CHP1: variants seen among roughly 807,000 people sequenced by gnomAD.
CHP1 encodes calcineurin B homologous protein 1.
In CHP1, 11 loss-of-function variants were observed where a neutral mutation model predicts 27.4. That is an observed-to-expected ratio of 0.40 (90% CI 0.25 to 0.67). CHP1 has a LOEUF of 0.67. Among genes scored for constraint, CHP1 ranks in the 30% least tolerant of loss-of-function variants. The pLI, the probability that CHP1 is intolerant of heterozygous loss-of-function variation, is 0.38. For missense variants in CHP1, 169 were observed against 251.3 expected, an observed-to-expected ratio of 0.67 and a Z score of 2.22; for synonymous variants, 89 against 87.4, an observed-to-expected ratio of 1.02 and a Z score of -0.10.
chr15:41,255,562 A>G (rs1321080117), intron 2 of CHP1, among the ~76,000 whole-genome samples: 3 of 152,088 alleles, frequency 2.0e-5, no homozygotes, highest in Admixed American at 6.6e-5. Context: ...AATGCTAGCT[A>G]CTTGGGAGAC....
chr15:41,261,296 A>T (rs2047431919), intron 3 of CHP1, among the ~76,000 whole-genome samples: 1 of 151,870 alleles, frequency 6.6e-6, no homozygotes, highest in Admixed American at 6.6e-5. Flanking sequence ...CTGGGATTAC[A>T]GGTGCCCACT....
At chr15:41,260,024 C>T (rs1002999960) in intron 3 of CHP1, among the ~76,000 whole-genome samples, 3 of 152,228 alleles carry the variant, frequency 2.0e-5, no homozygotes, top group Admixed American at 6.5e-5. Context: ...GCCACTGCAC[C>T]CAGCCAAGGT....
At chr15:41,241,366 A>G (rs918100417) in intron 1 of CHP1, among the ~76,000 whole-genome samples, 2 of 152,224 alleles carry the variant, frequency 1.3e-5, no homozygotes, top group Non-Finnish European at 2.9e-5. Context: ...CATGATGCTG[A>G]TAATAGCTAA....
intron 6 of CHP1, 89 bp from the exon 7 acceptor site, chr15:41,279,247 A>T: frequency 9.8e-7 from 1 of 1,015,718 alleles, no homozygotes; most frequent in Non-Finnish European, 1.5e-6. Flanking sequence ...ACTGCACAGG[A>T]GGAAGGGGGG....
At chr15:41,257,595 G>T (rs531726858) in intron 3 of CHP1, among the ~76,000 whole-genome samples, 2 of 151,448 alleles carry the variant, frequency 1.3e-5, no homozygotes, top group South Asian at 2.1e-4. Flanking sequence ...AGTCTTGCTC[G>T]GTCGCTCAGG....
chr15:41,235,979 AG>A (rs1426528536), intron 1 of CHP1, among the ~76,000 whole-genome samples: 1 of 152,036 alleles, frequency 6.6e-6, no homozygotes, highest in African/African-American at 2.4e-5. Context: ...GTACTTTTTG[AG>A]TTCTAGTGCA....
In CHP1 at chr15:41,233,126, C is replaced by G. The variant is rs146381064; in HGVS notation, c.67+1677C>G. ...TACTCTGACCCTCGGAGTGGAGACG[C>G]AAGCAGTTTGGATTCAACAAGCATT... On this transcript the variant is annotated intron_variant, in intron 1 of 6. Transcript: ENST00000334660. Among the ~76,000 whole-genome samples the G allele has an allele frequency of 4.2e-3, 640 of 152,302 alleles. 4 individuals carry two copies. The highest frequency in any genetic ancestry group is 0.022 in the South Asian group (106 of 4,830).
At chr15:41,261,308 C>G (rs1018184644) in intron 3 of CHP1, among the ~76,000 whole-genome samples, 9 of 151,874 alleles carry the variant, frequency 5.9e-5, no homozygotes, top group Admixed American at 5.9e-4. Context: ...GTGCCCACTA[C>G]CACGTCCAGC....
intron 1 of CHP1, among the ~76,000 whole-genome samples, chr15:41,234,457 A>C (rs528083319): frequency 1.3e-5 from 2 of 152,328 alleles, no homozygotes; most frequent in East Asian, 3.9e-4. Context: ...GCCAGTACAA[A>C]ATGTAACATA....
chr15:41,239,131 A>G (rs2047293203), intron 1 of CHP1, among the ~76,000 whole-genome samples: 1 of 152,184 alleles, frequency 6.6e-6, no homozygotes, highest in South Asian at 2.1e-4. Flanking sequence ...TTTAGTACCT[A>G]AATTAAAGCC....
chr15:41,262,946 TACTC>T (rs1193405698), intron 4 of CHP1, 63 bp downstream of exon 4: 187 of 1,591,076 alleles, frequency 1.2e-4, no homozygotes, highest in Non-Finnish European at 1.5e-4. Context: ...GTCATGTATT[TACTC>T]ACTCATTATT....
Position 41,270,589 on chromosome 15 carries a change from G to A in CHP1, c.382G>A (p.Glu128Lys). Residue 128 changes from glutamate (E) to lysine (K), a missense_variant, in exon 5 of 7, where the codon GAA (glutamate) becomes AAA (lysine). Transcript: ENST00000334660. ...TCGACTATATGATTTGGATAAAGAT[G>A]AAAAGATCTCCCGTGATGAGCTGTT... ...AFRLYDLDKD[E>K]KISRDELLQV... 1 of 1,614,016 alleles carries A rather than the reference G, an allele frequency of 6.2e-7. No homozygotes were observed. The highest frequency in any genetic ancestry group is 8.5e-7 in the Non-Finnish European group (1 of 1,179,906).
At chr15:41,233,817 A>G (rs1372367252) in intron 1 of CHP1, among the ~76,000 whole-genome samples, 1 of 152,178 alleles carries the variant, frequency 6.6e-6, no homozygotes, top group Non-Finnish European at 1.5e-5. Flanking sequence ...AGATTTGGAT[A>G]GATTAACCTA....
At chr15:41,253,423 GTATTTATTTATTTATTTATTTATT>G (rs71732753) in intron 2 of CHP1, among the ~76,000 whole-genome samples, 53 of 145,272 alleles carry the variant, frequency 3.6e-4, no homozygotes, top group African/African-American at 1.3e-3. Context: ...AGTTGACAAA[GTATTTATTTATTTATTTATTTATT>G]TATTTATTTA....
intron 6 of CHP1, among the ~76,000 whole-genome samples, 165 bp downstream of exon 6, chr15:41,279,054 T>C (rs1195731040): frequency 6.6e-6 from 1 of 151,858 alleles, no homozygotes; most frequent in Non-Finnish European, 1.5e-5. Context: ...GTACTAAAAA[T>C]ACAAAAATTA....
rs1017591711 is a variant in CHP1, at chr15:41,249,710, GAT to G, written c.140+5972_140+5973del. Among the ~76,000 whole-genome samples the G allele has an allele frequency of 1.2e-3, 182 of 151,870 alleles. 1 individual carries two copies. Among genetic ancestry groups the G allele is most frequent in the African/African-American group, 4.2e-3 (174 of 41,452 alleles). On this transcript the variant is annotated intron_variant, in intron 2 of 6. Coordinates refer to ENST00000334660, the MANE Select transcript of CHP1 (RefSeq NM_007236.5). Reference sequence around the variant, plus strand: ...GATGGTTTTGATCTCCTGACCTTGTGATCCACCTGCCTTGGCCTCCCAAAGTG... The same window carrying G: ...GATGGTTTTGATCTCCTGACCTTGTGCCACCTGCCTTGGCCTCCCAAAGTG...
chr15:41,271,148 C>T (rs532264799), intron 5 of CHP1, among the ~76,000 whole-genome samples: 47 of 150,638 alleles, frequency 3.1e-4, no homozygotes, highest in African/African-American at 8.8e-4. Context: ...CCAGCTACTC[C>T]GGAGACTGAG....
chr15:41,262,905 G>T, intron 4 of CHP1, 22 bp downstream of exon 4: 1 of 1,608,904 alleles, frequency 6.2e-7, no homozygotes, highest in Non-Finnish European at 8.5e-7. Flanking sequence ...AAGTCTTCTG[G>T]CTTAAAATAC....
At chr15:41,267,837 G>C (rs2047469246) in intron 4 of CHP1, among the ~76,000 whole-genome samples, 1 of 151,116 alleles carries the variant, frequency 6.6e-6, no homozygotes, top group Admixed American at 6.6e-5. Context: ...AGGAGGCTGA[G>C]GCAGGAGGAT....
Sources: allele counts gnomAD v4.1 joint callset (sites outside exome capture counted in the v4.1 genomes callset), GRCh38; gene constraint gnomAD v4.1.1; transcripts MANE v1.5; gene names NCBI Gene and HGNC (gene_info 2026-07-23, HGNC 2026-07-21).